Variants in LSM5 observed in about 807,000 individuals in gnomAD.
The protein encoded by LSM5 is LSM5 homolog, U6 small nuclear RNA and mRNA degradation associated.
Under a neutral mutation model 13.8 loss-of-function variants are expected in LSM5, and 8 were observed. The ratio of observed to expected loss-of-function variants is 0.58; its 90% CI spans 0.34 to 1.04. LSM5 has a LOEUF of 1.04. Among genes scored for constraint, LSM5 ranks in the 50% least tolerant of loss-of-function variants. The probability of loss-of-function intolerance (pLI) is 0.03; values close to 1 mark genes in which losing one functional copy is unlikely to be tolerated. For synonymous variants in LSM5, 35 were observed against 37.0 expected (o/e 0.95, Z 0.20); for missense variants, 80 against 108.1 (o/e 0.74, Z 1.15).
Position 32,490,319 on chromosome 7 carries a change from C to T in LSM5, c.46+1G>A. 3 of 1,614,210 alleles carry T rather than the reference C, an allele frequency of 1.9e-6. No homozygotes were observed. Among genetic ancestry groups the T allele is most frequent in the Non-Finnish European group, 2.5e-6 (3 of 1,180,024 alleles). On this transcript the variant is annotated splice_donor_variant, in intron 1 of 4. Coordinates refer to ENST00000450169, the MANE Select transcript of LSM5 (RefSeq NM_012322.3). LOFTEE classifies it high-confidence loss of function. ...CCTGCTCCCCAAAGGACGGCGATTA[C>T]CTAAGGGCAGCAGCTGCGACGGGTT...
chr7:32,492,074 TTCTC>T (rs1367509284), upstream of LSM5, among the ~76,000 whole-genome samples: 3 of 152,180 alleles, frequency 2.0e-5, no homozygotes, highest in Admixed American at 6.5e-5. Flanking sequence ...GCTTCTTTCT[TTCTC>T]TTTCTCTTTT....
rs1238399707 is a variant in LSM5, at chr7:32,486,976, G to A, written c.*285C>T. The A allele has an allele frequency of 9.5e-6, 4 of 421,034 alleles. No individual in the cohort carries two copies. Among genetic ancestry groups the A allele is most frequent in the Non-Finnish European group, 1.7e-5 (4 of 238,550 alleles). The allele number at this position is 421,034 out of a possible 1,614,324, so 26.1% of individuals were successfully genotyped here. A position where few individuals can be genotyped will look rare whatever the true frequency, so the allele number is the denominator to read the frequency against. ...GCATATAATGACAGAAAAGTAAGTG[G>A]CAAAATAACTACAAACTTTGTTCCA... On this transcript the variant is annotated 3_prime_UTR_variant, in exon 5 of 5. Coordinates refer to ENST00000450169, the MANE Select transcript of LSM5 (RefSeq NM_012322.3).
At chr7:32,488,006 A>T in intron 3 of LSM5, 1 of 428,038 alleles carries the variant, frequency 2.3e-6, no homozygotes. Flanking sequence ...AAGAAGTGAA[A>T]GCTTGCCCAG....
At position 32,488,693 on chromosome 7, in the gene LSM5, T is replaced by C. The variant is rs754778289; in HGVS notation, c.143-41A>G. The stretch of plus-strand genomic sequence containing the variant: ...AAGAAAATAAATACAGAATTTACTC[T>C]AGCTTCTGCCTTTGTTCAGCTTTTG... On this transcript the variant is annotated intron_variant, in intron 2 of 4. Coordinates refer to ENST00000450169, the MANE Select transcript of LSM5 (RefSeq NM_012322.3). 3.0e-6 allele frequency: 4 copies of C among 1,352,218 alleles called. No homozygotes were observed. In the Admixed American group the frequency reaches 5.3e-5, roughly 18 times the overall value. 83.8% of individuals were successfully genotyped at this position (1,352,218 alleles called of 1,614,324 possible). A position where few individuals can be genotyped will look rare whatever the true frequency, so the allele number is the denominator to read the frequency against.
Position 32,486,265 on chromosome 7 carries a change from T to C in LSM5, c.*996A>G, listed in dbSNP as rs539772553. ...ATTTAATACTATGTACATATTAATG[T>C]TGAAATATTTGACACAGAAAGATAT... On this transcript the variant is annotated 3_prime_UTR_variant, in exon 5 of 5. Transcript: ENST00000450169. 3 of 152,358 alleles carry C rather than the reference T, an allele frequency of 2.0e-5. No homozygotes were observed. The highest frequency in any genetic ancestry group is 2.1e-4 in the South Asian group (1 of 4,830). The allele number at this position is 152,358 out of a possible 1,614,324, so 9.4% of individuals were successfully genotyped here.
chr7:32,490,300 C>G lies in LSM5; in HGVS notation c.46+20G>C. On this transcript the variant is annotated intron_variant, in intron 1 of 4. Coordinates refer to ENST00000450169, the MANE Select transcript of LSM5 (RefSeq NM_012322.3). ...TGAATGTCAGCTCCCTGTTCCTGCTCCCCAAAGGACGGCGATTACCTAAGG... is the reference window on the plus strand; with the variant it reads ...TGAATGTCAGCTCCCTGTTCCTGCTGCCCAAAGGACGGCGATTACCTAAGG... 1 of 1,614,196 alleles carries G rather than the reference C, an allele frequency of 6.2e-7. No individual in the cohort carries two copies. Among genetic ancestry groups the G allele is most frequent in the Non-Finnish European group, 8.5e-7 (1 of 1,180,022 alleles).
chr7:32,492,104 T>A (rs1786608696), upstream of LSM5, among the ~76,000 whole-genome samples: 1 of 152,200 alleles, frequency 6.6e-6, no homozygotes, highest in African/African-American at 2.4e-5. Context: ...TTTTGTCCAA[T>A]CCTCATTTGG....
chr7:32,492,780 G>T (rs1181332600), upstream of LSM5, among the ~76,000 whole-genome samples: 1 of 152,074 alleles, frequency 6.6e-6, no homozygotes, highest in African/African-American at 2.4e-5. Flanking sequence ...ATGTCTCAAG[G>T]ATTTTTCTCC....
At position 32,487,389 on chromosome 7, in the gene LSM5, C is replaced by A; in HGVS notation, c.244-96G>T. Reference sequence around the variant, plus strand: ...TTAAGCCACCTTTGCCTGTCCCCTGCACTCCACGTTCCCATTTTCTCCAGA... The same window carrying A: ...TTAAGCCACCTTTGCCTGTCCCCTGAACTCCACGTTCCCATTTTCTCCAGA... On this transcript the variant is annotated intron_variant, in intron 4 of 4. Transcript: ENST00000450169. 6.6e-6 allele frequency: 6 copies of A among 911,794 alleles called. No individual in the cohort carries two copies. In the South Asian group the frequency reaches 8.5e-5, roughly 13 times the overall value. The allele number at this position is 911,794 out of a possible 1,614,324, so 56.5% of individuals were successfully genotyped here. A position where few individuals can be genotyped will look rare whatever the true frequency, so the allele number is the denominator to read the frequency against.
upstream of LSM5, among the ~76,000 whole-genome samples, chr7:32,491,043 T>C (rs1786572084): frequency 6.6e-6 from 1 of 152,178 alleles, no homozygotes; most frequent in South Asian, 2.1e-4. Context: ...CACTTCTGTG[T>C]TGAAAACAGC....
chr7:32,490,361 G>A lies in LSM5; in HGVS notation c.5C>T (p.Ala2Val). Residue 2 changes from alanine (A) to valine (V), a missense_variant, in exon 1 of 5, where the codon GCG becomes GTG. By Grantham distance (64) the Ala-to-Val change is moderately conservative. Coordinates refer to ENST00000450169, the MANE Select transcript of LSM5 (RefSeq NM_012322.3). M[A>V]ANATTNPSQL... ...CGACGGGTTGGTAGTAGCGTTAGCC[G>A]CCATGGCTACGCCGGAAGTGGCCTG... is the stretch of plus-strand genomic sequence containing the variant. 4 of 1,613,020 alleles carry A rather than the reference G, an allele frequency of 2.5e-6. No individual in the cohort carries two copies. The highest frequency in any genetic ancestry group is 3.4e-6 in the Non-Finnish European group (4 of 1,178,966).
chr7:32,490,152 A>G (rs1245332371), intron 1 of LSM5, 168 bp downstream of exon 1: 1 of 1,544,748 alleles, frequency 6.5e-7, no homozygotes, highest in Non-Finnish European at 8.7e-7. Flanking sequence ...CGACCACGTT[A>G]AAGAGCAGGT....
At chr7:32,490,769 A>G (rs940810044), upstream of LSM5, 9 of 214,856 alleles carry the variant, frequency 4.2e-5, no homozygotes, top group African/African-American at 1.6e-4. Flanking sequence ...CGTTACAACT[A>G]CTCATTAAGG....
chr7:32,487,325 A>G (rs369464209), intron 4 of LSM5, 32 bp from the exon 5 acceptor site: 11 of 1,598,508 alleles, frequency 6.9e-6, no homozygotes, highest in Non-Finnish European at 9.4e-6. Context: ...TTTATTAATA[A>G]CACTACCACC....
chr7:32,490,046 C>T (rs755755858), intron 1 of LSM5: 39 of 1,426,644 alleles, frequency 2.7e-5, no homozygotes, highest in Non-Finnish European at 3.4e-5. Flanking sequence ...CAGAGGCGGG[C>T]TCACAACAAA....
At position 32,490,371 on chromosome 7, in the gene LSM5, C is replaced by T; in HGVS notation, c.-6G>A. ...GTAGTAGCGTTAGCCGCCATGGCTA[C>T]GCCGGAAGTGGCCTGCCTTCATTGA... On this transcript the variant is annotated 5_prime_UTR_variant, in exon 1 of 5. Coordinates refer to ENST00000450169, the MANE Select transcript of LSM5 (RefSeq NM_012322.3). The T allele has an allele frequency of 3.7e-6, 6 of 1,611,690 alleles. No individual in the cohort carries two copies. The highest frequency in any genetic ancestry group is 5.1e-6 in the Non-Finnish European group (6 of 1,177,732).
At chr7:32,488,051 T>TG (rs1395817056) in intron 3 of LSM5, 5 of 341,486 alleles carry the variant, frequency 1.5e-5, no homozygotes, top group Middle Eastern at 9.5e-4. Flanking sequence ...TTTTTGGGTT[T>TG]TTTTTTTTTT....
chr7:32,494,722 C>G (rs535077272), upstream of LSM5, among the ~76,000 whole-genome samples: 16 of 152,248 alleles, frequency 1.1e-4, no homozygotes, highest in African/African-American at 3.9e-4. Context: ...GACAACAGAG[C>G]CCATATATTT....
intron 2 of LSM5, 78 bp downstream of exon 2, chr7:32,489,171 C>T: frequency 2.7e-6 from 2 of 728,106 alleles, no homozygotes; most frequent in Admixed American, 2.6e-5. Flanking sequence ...ATAATAATCA[C>T]AAATATACTG....
Sources: allele counts gnomAD v4.1 joint callset (sites outside exome capture counted in the v4.1 genomes callset), GRCh38; gene constraint gnomAD v4.1.1; transcripts MANE v1.5; gene names NCBI Gene and HGNC (gene_info 2026-07-23, HGNC 2026-07-21).